The following LRRC7 variants were observed in gnomAD, a reference collection of about 807,000 sequenced individuals.
LRRC7 encodes leucine-rich repeat-containing protein 7.
A neutral mutation model predicts 175.7 loss-of-function variants in LRRC7; 23 were observed. That is an observed-to-expected ratio of 0.13 (90% CI 0.09 to 0.19). The LOEUF (loss-of-function observed/expected upper bound fraction) is 0.19, where lower values mean the gene tolerates loss of function less well. LRRC7 is among the 10% of genes least tolerant of loss of function. The pLI, the probability that LRRC7 is intolerant of heterozygous loss-of-function variation, is 1.00. For missense variants in LRRC7, 1,354 were observed against 1,904.7 expected (o/e 0.71, Z 5.38); for synonymous variants, 685 against 680.9 (o/e 1.01, Z -0.09).
At chr1:69,743,920 A>G (rs1015657792) in intron 2 of LRRC7, among the ~76,000 whole-genome samples, 7 of 151,818 alleles carry the variant, frequency 4.6e-5, no homozygotes, top group Admixed American at 2.6e-4. Context: ...TTGTATGATT[A>G]TATGTATTCA....
At position 70,143,371 on chromosome 1, in the gene LRRC7, C is replaced by T. The variant is rs1039841316; in HGVS notation, c.*21484C>T. On this transcript the variant is annotated 3_prime_UTR_variant, in exon 27 of 27. Transcript: ENST00000651989. Reference sequence around the variant, plus strand: ...AAGTCGTTTTCAAATTTACAATATTCGACTGGTAAAGAAAGTGCTTCTTTA... The same window carrying T: ...AAGTCGTTTTCAAATTTACAATATTTGACTGGTAAAGAAAGTGCTTCTTTA... 6.6e-6 allele frequency: 1 copy of T among 151,722 alleles called. No individual in the cohort carries two copies. The highest frequency in any genetic ancestry group is 2.4e-5 in the African/African-American group (1 of 41,320). The allele number at this position is 151,722 out of a possible 1,614,324, so 9.4% of individuals were successfully genotyped here.
At chr1:69,605,891 C>T (rs2101011785) in intron 1 of LRRC7, among the ~76,000 whole-genome samples, 1 of 152,116 alleles carries the variant, frequency 6.6e-6, no homozygotes, top group Non-Finnish European at 1.5e-5. Context: ...AGAGTTATGA[C>T]TGGAAAATAA....
rs1204650835 is a variant in LRRC7, at chr1:70,136,721, CTTTTTT to C, written c.*14853_*14858del. ...TTCTGCTTTATTGCTTTTTTAATGC[CTTTTTT>C]TTTTTTTTTTTTTTTTTTCTGAGAC... is the stretch of plus-strand genomic sequence containing the variant. On this transcript the variant is annotated 3_prime_UTR_variant, in exon 27 of 27. Coordinates refer to ENST00000651989, the MANE Select transcript of LRRC7 (RefSeq NM_001370785.2). Among the ~76,000 whole-genome samples, 263 of 98,318 alleles carry C rather than the reference CTTTTTT, an allele frequency of 2.7e-3. 1 individual carries two copies. The highest frequency in any genetic ancestry group is 4.6e-3 in the South Asian group (11 of 2,396). The allele number at this position is 98,318 out of a possible 152,430, so 64.5% of individuals were successfully genotyped here.
chr1:69,946,944 G>A (rs1445276191), intron 8 of LRRC7, among the ~76,000 whole-genome samples: 1 of 151,850 alleles, frequency 6.6e-6, no homozygotes, highest in Non-Finnish European at 1.5e-5. Flanking sequence ...CACTCGTGGT[G>A]GTGCACACCT....
At chr1:69,943,502 G>C (rs990139418) in intron 8 of LRRC7, among the ~76,000 whole-genome samples, 5 of 151,940 alleles carry the variant, frequency 3.3e-5, no homozygotes, top group Admixed American at 3.3e-4. Flanking sequence ...AAATATACTG[G>C]AATTAGATAG....
At chr1:69,941,610 A>C (rs1381776382) in intron 8 of LRRC7, among the ~76,000 whole-genome samples, 2 of 152,024 alleles carry the variant, frequency 1.3e-5, no homozygotes, top group Non-Finnish European at 2.9e-5. Flanking sequence ...CTAATACAAA[A>C]TTAGAAATAC....
At chr1:70,058,550 CCA>C (rs1370765641) in intron 23 of LRRC7, among the ~76,000 whole-genome samples, 1 of 152,140 alleles carries the variant, frequency 6.6e-6, no homozygotes, top group Non-Finnish European at 1.5e-5. Flanking sequence ...TCGGATTATG[CCA>C]CAGTCACTAT....
intron 3 of LRRC7, among the ~76,000 whole-genome samples, chr1:69,773,814 G>A (rs1672509528): frequency 6.6e-6 from 1 of 152,118 alleles, no homozygotes; most frequent in Non-Finnish European, 1.5e-5. Flanking sequence ...TAAATTTAAG[G>A]ACCTTAAAGC....
At chr1:69,694,299 C>T (rs1469346862) in intron 2 of LRRC7, among the ~76,000 whole-genome samples, 7 of 152,060 alleles carry the variant, frequency 4.6e-5, no homozygotes, top group Non-Finnish European at 1.5e-5. Flanking sequence ...TTATCTTTTG[C>T]CTTCTTATAT....
At chr1:69,742,824 A>T (rs1055615733) in intron 2 of LRRC7, among the ~76,000 whole-genome samples, 1 of 152,024 alleles carries the variant, frequency 6.6e-6, no homozygotes, top group East Asian at 1.9e-4. Flanking sequence ...ATTGTAATGT[A>T]TAAATGACAA....
At chr1:70,120,966 A>C (rs1344622747) in intron 26 of LRRC7, among the ~76,000 whole-genome samples, 1 of 152,210 alleles carries the variant, frequency 6.6e-6, no homozygotes, top group South Asian at 2.1e-4. Context: ...ACAATCTGCA[A>C]CTTAATGTAG....
At position 70,123,777 on chromosome 1, in the gene LRRC7, T is replaced by C. The variant is rs1002269509; in HGVS notation, c.*1890T>C. ...ATGTCAAGCCACCATATCCAGATAT[T>C]ATAGGATGATCATCATTAATCAAGA... On this transcript the variant is annotated 3_prime_UTR_variant, in exon 27 of 27. Coordinates refer to ENST00000651989, the MANE Select transcript of LRRC7 (RefSeq NM_001370785.2). Among the ~76,000 whole-genome samples, 19 of 152,198 alleles carry C rather than the reference T, an allele frequency of 1.2e-4. No homozygotes were observed. The highest frequency in any genetic ancestry group is 4.1e-4 in the African/African-American group (17 of 41,460).
intron 23 of LRRC7, among the ~76,000 whole-genome samples, chr1:70,059,472 AAAGT>A (rs1267281399): frequency 8.7e-6 from 1 of 115,098 alleles, no homozygotes; most frequent in Non-Finnish European, 1.7e-5. Context: ...AAACTAGAAG[AAAGT>A]GTGTGTGTGT....
intron 2 of LRRC7, among the ~76,000 whole-genome samples, chr1:69,697,811 C>T (rs971596859): frequency 4.6e-5 from 7 of 152,148 alleles, no homozygotes; most frequent in African/African-American, 1.2e-4. Context: ...AGTGATAAAA[C>T]TGATATTGGA....
chr1:69,997,450 G>A (rs1446741074), intron 11 of LRRC7, among the ~76,000 whole-genome samples: 9 of 151,112 alleles, frequency 6.0e-5, no homozygotes, highest in Non-Finnish European at 1.2e-4. Context: ...GAATAGGAGT[G>A]GTGAGAGAGG....
At chr1:70,085,669 TCTTTC>T (rs1663551467) in intron 24 of LRRC7, among the ~76,000 whole-genome samples, 1 of 152,288 alleles carries the variant, frequency 6.6e-6, no homozygotes, top group African/African-American at 2.4e-5. Flanking sequence ...CAAAAATAGC[TCTTTC>T]CTGAGGCAAG....
intron 2 of LRRC7, among the ~76,000 whole-genome samples, chr1:69,690,623 G>A (rs966731846): frequency 6.6e-6 from 1 of 151,980 alleles, no homozygotes; most frequent in African/African-American, 2.4e-5. Flanking sequence ...TCCTCTTCTT[G>A]GCAGACATCA....
At chr1:69,656,165 A>G (rs574387470) in intron 1 of LRRC7, among the ~76,000 whole-genome samples, 3 of 152,174 alleles carry the variant, frequency 2.0e-5, no homozygotes, top group Admixed American at 6.6e-5. Context: ...AGAAAAAAAT[A>G]GTAAGAATTT....
chr1:69,715,610 C>A (rs1207984910), intron 2 of LRRC7, among the ~76,000 whole-genome samples: 1 of 151,782 alleles, frequency 6.6e-6, no homozygotes, highest in Non-Finnish European at 1.5e-5. Flanking sequence ...TAATAACTAA[C>A]CAATGTCAAA....
Sources: gnomAD v4.1 joint callset for allele counts (sites outside exome capture counted in the v4.1 genomes callset) on GRCh38, gnomAD v4.1.1 for gene constraint, MANE v1.5 for transcripts, NCBI Gene and HGNC (gene_info 2026-07-23, HGNC 2026-07-21) for gene names.